The following PTBP2 variants were observed in gnomAD, a reference collection of about 807,000 sequenced individuals.
PTBP2 encodes the protein polypyrimidine tract-binding protein 2.
Under a neutral mutation model 61.4 loss-of-function variants are expected in PTBP2, and 13 were observed. That is an observed-to-expected ratio of 0.21 (90% CI 0.14 to 0.34). PTBP2 has a LOEUF of 0.34. Ranked by LOEUF, PTBP2 falls within the 10% of genes least tolerant of loss-of-function variation. The pLI is 1.00. For synonymous variants in PTBP2, 215 were observed against 218.5 expected (o/e 0.98, Z 0.14); for missense variants, 405 against 642.6 (o/e 0.63, Z 4.00).
chr1:96,732,711 G>A (rs560862743), intron 2 of PTBP2, among the ~76,000 whole-genome samples: 2 of 152,260 alleles, frequency 1.3e-5, no homozygotes, highest in African/African-American at 2.4e-5. Flanking sequence ...TCAGAATAGT[G>A]GTCTGTGACC....
At chr1:96,762,255 A>C (rs1655985644) in intron 3 of PTBP2, among the ~76,000 whole-genome samples, 1 of 150,740 alleles carries the variant, frequency 6.6e-6, no homozygotes, top group Non-Finnish European at 1.5e-5. Context: ...TACACCTCCC[A>C]GACGGGGTGG....
At chr1:96,742,497 C>T (rs1352856729) in intron 2 of PTBP2, among the ~76,000 whole-genome samples, 1 of 151,950 alleles carries the variant, frequency 6.6e-6, no homozygotes, top group Non-Finnish European at 1.5e-5. Flanking sequence ...CTTGATTTGT[C>T]TTGTCACAGA....
intron 8 of PTBP2, among the ~76,000 whole-genome samples, chr1:96,786,300 A>G (rs1303607289): frequency 6.6e-6 from 1 of 152,136 alleles, no homozygotes; most frequent in Non-Finnish European, 1.5e-5. Flanking sequence ...AGAATTAACT[A>G]CCTGTTAATT....
chr1:96,799,294 C>CTTTTTTTTTGTTTTTTTTTTTT (rs1660726236), intron 8 of PTBP2, among the ~76,000 whole-genome samples: 1 of 92,198 alleles, frequency 1.1e-5, no homozygotes, highest in Non-Finnish European at 2.0e-5. Flanking sequence ...ATAGATCAAG[C>CTTTTTTTTTGTTTTTTTTTTTT]TTTTTTTTTT....
In PTBP2 at chr1:96,814,390, G is replaced by T. The variant is rs1340551357; in HGVS notation, c.*985G>T. On this transcript the variant is annotated 3_prime_UTR_variant, in exon 14 of 14. Coordinates refer to ENST00000674951, the MANE Select transcript of PTBP2 (RefSeq NM_021190.4). ...TAAAGAAAGTGTACTGCGAAAATATGCAGGAAGATTAATTTTGTGGCAGTT... is the reference window on the plus strand; with the variant it reads ...TAAAGAAAGTGTACTGCGAAAATATTCAGGAAGATTAATTTTGTGGCAGTT... 1.3e-5 allele frequency: 2 copies of T among 152,532 alleles called. No individual in the cohort carries two copies. The highest frequency in any genetic ancestry group is 4.8e-5 in the African/African-American group (2 of 41,440). The allele number at this position is 152,532 out of a possible 1,614,324, so 9.4% of individuals were successfully genotyped here. A position where few individuals can be genotyped will look rare whatever the true frequency, so the allele number is the denominator to read the frequency against.
chr1:96,772,108 A>C (rs1457496925), intron 5 of PTBP2, among the ~76,000 whole-genome samples: 3 of 152,108 alleles, frequency 2.0e-5, no homozygotes, highest in Non-Finnish European at 4.4e-5. Context: ...CAGTCCCACA[A>C]GATCTCCTGA....
In PTBP2 at chr1:96,734,649, T is replaced by G. The variant is rs116357498; in HGVS notation, c.39+11055T>G. Among the ~76,000 whole-genome samples, 1,495 of 152,102 alleles carry G rather than the reference T, an allele frequency of 9.8e-3. 27 individuals carry two copies. The highest frequency in any genetic ancestry group is 0.034 in the African/African-American group (1,431 of 41,516). ...TGGTCTTACACAGTTGCCTATAGAC[T>G]ACATTTACTGATTGCGTTATGATTT... On this transcript the variant is annotated intron_variant, in intron 2 of 13. Transcript: ENST00000674951.
intron 8 of PTBP2, among the ~76,000 whole-genome samples, chr1:96,791,840 T>G (rs1363705180): frequency 1.4e-5 from 2 of 139,616 alleles, no homozygotes; most frequent in Non-Finnish European, 3.1e-5. Flanking sequence ...TTTTTTTTTT[T>G]TTTTTTTTTG....
intron 3 of PTBP2, among the ~76,000 whole-genome samples, chr1:96,756,142 T>C (rs1655135262): frequency 6.6e-6 from 1 of 152,230 alleles, no homozygotes; most frequent in Admixed American, 6.5e-5. Flanking sequence ...CTTACGCCTG[T>C]AATCCCAGCG....
At chr1:96,810,035 T>C (rs985617215) in intron 11 of PTBP2, among the ~76,000 whole-genome samples, 3 of 152,130 alleles carry the variant, frequency 2.0e-5, no homozygotes, top group African/African-American at 4.8e-5. Context: ...TTTTTTGAAT[T>C]ATAAAGGGGA....
At chr1:96,758,552 T>C (rs557496467) in intron 3 of PTBP2, among the ~76,000 whole-genome samples, 1 of 152,072 alleles carries the variant, frequency 6.6e-6, no homozygotes, top group African/African-American at 2.4e-5. Flanking sequence ...CTGAGACTTA[T>C]CGCAGGATTG....
At chr1:96,758,970 T>G (rs896469811) in intron 3 of PTBP2, among the ~76,000 whole-genome samples, 1 of 152,176 alleles carries the variant, frequency 6.6e-6, no homozygotes, top group South Asian at 2.1e-4. Context: ...GGATACAAGT[T>G]CTATGTACAG....
chr1:96,729,832 G>A (rs1417951845), intron 2 of PTBP2, among the ~76,000 whole-genome samples: 1 of 151,004 alleles, frequency 6.6e-6, no homozygotes, highest in Non-Finnish European at 1.5e-5. Flanking sequence ...CACGTCCCGG[G>A]TTCACGCGGT....
chr1:96,740,733 C>T (rs1167119997), intron 2 of PTBP2, among the ~76,000 whole-genome samples: 1 of 151,744 alleles, frequency 6.6e-6, no homozygotes, highest in African/African-American at 2.4e-5. Context: ...TACTATCATG[C>T]TGTATGTATT....
chr1:96,768,695 T>C (rs765387446), intron 3 of PTBP2, among the ~76,000 whole-genome samples: 13 of 152,056 alleles, frequency 8.5e-5, no homozygotes, highest in Non-Finnish European at 1.8e-4. Context: ...TTAACTAATT[T>C]GTTGATTGAA....
chr1:96,808,381 A>G (rs188717024), intron 11 of PTBP2, among the ~76,000 whole-genome samples: 58 of 152,182 alleles, frequency 3.8e-4, no homozygotes, highest in Admixed American at 1.5e-3. Flanking sequence ...GCAGCCAACC[A>G]TCTTCCCCCT....
intron 8 of PTBP2, among the ~76,000 whole-genome samples, chr1:96,791,366 C>G (rs1659770911): frequency 6.6e-6 from 1 of 152,132 alleles, no homozygotes; most frequent in East Asian, 1.9e-4. Flanking sequence ...AAACAAGATT[C>G]ATTGTAGTCT....
chr1:96,755,429 G>A (rs1312266948), intron 3 of PTBP2, among the ~76,000 whole-genome samples: 1 of 152,114 alleles, frequency 6.6e-6, no homozygotes, highest in African/African-American at 2.4e-5. Context: ...TAGTACTTTG[G>A]AAAACAATCT....
intron 8 of PTBP2, among the ~76,000 whole-genome samples, chr1:96,800,120 G>A (rs1050801858): frequency 2.6e-5 from 4 of 152,156 alleles, no homozygotes. Context: ...ACACCATACT[G>A]TGAACTGTGT....
Sources: allele counts gnomAD v4.1 joint callset (sites outside exome capture counted in the v4.1 genomes callset), GRCh38; gene constraint gnomAD v4.1.1; transcripts MANE v1.5; gene names NCBI Gene and HGNC (gene_info 2026-07-23, HGNC 2026-07-21).